Variants in AVEN observed in about 807,000 individuals in gnomAD.
AVEN encodes cell death regulator Aven.
Under a neutral mutation model 38.1 loss-of-function variants are expected in AVEN, and 41 were observed. The observed-to-expected ratio is 1.08, with a 90% CI of 0.84 to 1.40. The LOEUF is 1.40. Among genes scored for constraint, AVEN ranks in the 40% most tolerant of loss-of-function variants. The pLI is 0.00. For missense variants in AVEN, 605 were observed against 438.8 expected (o/e 1.38, Z -3.38); for synonymous variants, 206 against 171.8 (o/e 1.20, Z -1.56).
At chr15:33,910,087 C>T (rs1258205276) in intron 2 of AVEN, among the ~76,000 whole-genome samples, 2 of 150,982 alleles carry the variant, frequency 1.3e-5, no homozygotes, top group Non-Finnish European at 2.9e-5. Flanking sequence ...GAGATCGCAC[C>T]GCTGCACTCC....
At chr15:33,854,686 C>A (rs2079461354), downstream of AVEN, 3 of 1,523,006 alleles carry the variant, frequency 2.0e-6, no homozygotes, top group Non-Finnish European at 2.6e-6. Flanking sequence ...CAGTGTGTCT[C>A]CCAAAATAAG....
intron 3 of AVEN, among the ~76,000 whole-genome samples, chr15:33,871,341 T>C (rs1006484846): frequency 6.6e-5 from 10 of 151,732 alleles, no homozygotes; most frequent in Admixed American, 6.6e-4. Flanking sequence ...CCGAGGCGGG[T>C]GAATCACCTG....
rs76608637 is a variant in AVEN, at chr15:33,880,437, G to C, written c.446-4442C>G. 3.9e-5 allele frequency among the ~76,000 whole-genome samples: 6 copies of C among 152,286 alleles called. No individual in the cohort carries two copies. In the East Asian group the frequency reaches 1.2e-3, roughly 29 times the overall value. On this transcript the variant is annotated intron_variant, in intron 2 of 5. Transcript: ENST00000306730. ...TACAGCACTGGGAGGACAAAAACTAGAGTTCAGGGCCAATGGATGAGGAAG... is the reference window on the plus strand; with the variant it reads ...TACAGCACTGGGAGGACAAAAACTACAGTTCAGGGCCAATGGATGAGGAAG...
chr15:33,894,589 T>C (rs2153041400), intron 2 of AVEN, among the ~76,000 whole-genome samples: 1 of 145,304 alleles, frequency 6.9e-6, no homozygotes, highest in African/African-American at 2.6e-5. Context: ...GCAGGGGGAC[T>C]GCCTGAGCTC....
At chr15:33,967,469 A>G (rs536784270) in intron 2 of AVEN, among the ~76,000 whole-genome samples, 7 of 152,210 alleles carry the variant, frequency 4.6e-5, no homozygotes, top group South Asian at 4.1e-4. Context: ...AGGTGAAATG[A>G]GATTTGCTTT....
chr15:34,049,951 A>C (rs1424092179), intron 5 of AVEN, among the ~76,000 whole-genome samples: 1 of 150,658 alleles, frequency 6.6e-6, no homozygotes, highest in Admixed American at 6.6e-5. Context: ...GCAGTGGCAC[A>C]ATCTCAGCTC....
intron 2 of AVEN, among the ~76,000 whole-genome samples, chr15:33,911,039 C>G (rs377131321): frequency 2.6e-5 from 4 of 152,198 alleles, no homozygotes; most frequent in African/African-American, 9.7e-5. Flanking sequence ...ACAGTGAGGA[C>G]AGTTCTAAAA....
Position 34,011,347 on chromosome 15 carries a change from T to C in AVEN, c.268-8138A>G, listed in dbSNP as rs145251303. 2.7e-3 allele frequency among the ~76,000 whole-genome samples: 413 copies of C among 152,338 alleles called. 2 individuals are homozygous for C. The highest frequency in any genetic ancestry group is 9.6e-3 in the African/African-American group (401 of 41,574). Reference sequence around the variant, plus strand: ...AAAAAAGGGCGTTTCCATTTGTCTTTGTGTATTAAATAAAATATATGTTGT... The same window carrying C: ...AAAAAAGGGCGTTTCCATTTGTCTTCGTGTATTAAATAAAATATATGTTGT... On this transcript the variant is annotated intron_variant, in intron 1 of 5. Coordinates refer to ENST00000306730, the MANE Select transcript of AVEN (RefSeq NM_020371.3).
intron 3 of AVEN, among the ~76,000 whole-genome samples, chr15:33,873,500 A>T (rs1567388863): frequency 6.8e-6 from 1 of 147,978 alleles, no homozygotes; most frequent in South Asian, 2.1e-4. Flanking sequence ...TATAATATAT[A>T]ATATATATAT....
chr15:33,895,919 G>A (rs904552742), intron 2 of AVEN, among the ~76,000 whole-genome samples: 1 of 152,160 alleles, frequency 6.6e-6, no homozygotes, highest in South Asian at 2.1e-4. Context: ...CAGTCACAAA[G>A]TCTGCCCCCT....
chr15:34,063,972 A>C lies in AVEN; in HGVS notation n.1127-540T>G. ...CAAGGAACCTTCAACGAAAGGCCTCAATCCCAACCCCAGCCATCAAATGAC... is the reference window on the plus strand; with the variant it reads ...CAAGGAACCTTCAACGAAAGGCCTCCATCCCAACCCCAGCCATCAAATGAC... On this transcript the variant is annotated intron_variant and non_coding_transcript_variant, in intron 4 of 11. Transcript: ENST00000675287. This position sits in a 1 kb window ranked among gnomAD's most constrained non-coding sequence, Gnocchi z 4.1. 6.2e-7 allele frequency: 1 copy of C among 1,614,170 alleles called. No individual in the cohort carries two copies. Among genetic ancestry groups the C allele is most frequent in the Non-Finnish European group, 8.5e-7 (1 of 1,180,032 alleles).
intron 2 of AVEN, among the ~76,000 whole-genome samples, chr15:33,987,465 A>G (rs1272958094): frequency 6.6e-6 from 1 of 152,024 alleles, no homozygotes; most frequent in Non-Finnish European, 1.5e-5. Context: ...AAACCCACAG[A>G]CTCAAGGTCT....
intron 2 of AVEN, among the ~76,000 whole-genome samples, chr15:33,926,631 C>T (rs1893616437): frequency 6.6e-6 from 1 of 152,024 alleles, no homozygotes; most frequent in Admixed American, 6.6e-5. Context: ...GACAACATAA[C>T]CAGACCCTGT....
chr15:33,976,961 G>T (rs1444906713), intron 2 of AVEN, among the ~76,000 whole-genome samples: 1 of 152,094 alleles, frequency 6.6e-6, no homozygotes, highest in Non-Finnish European at 1.5e-5. Flanking sequence ...GGGTCCCTTG[G>T]GAAGGAAACC....
At chr15:33,966,717 G>C (rs1268981347) in intron 2 of AVEN, among the ~76,000 whole-genome samples, 1 of 152,100 alleles carries the variant, frequency 6.6e-6, no homozygotes. Flanking sequence ...GACAGGTGAG[G>C]GTGTGGCACA....
Position 33,906,146 on chromosome 15 carries a change from G to C in AVEN, c.446-30151C>G, listed in dbSNP as rs115045108. On this transcript the variant is annotated intron_variant, in intron 2 of 5. Coordinates refer to ENST00000306730, the MANE Select transcript of AVEN (RefSeq NM_020371.3). The stretch of plus-strand genomic sequence containing the variant: ...TACGTTTCTCCCAACTTACTGAACA[G>C]AGCTGGAGTGAATTGTGTGTGCTTG... Among the ~76,000 whole-genome samples, 1,115 of 152,312 alleles carry C rather than the reference G, an allele frequency of 7.3e-3. 19 individuals are homozygous for C. Among genetic ancestry groups the C allele is most frequent in the African/African-American group, 0.026 (1,077 of 41,560 alleles).
intron 2 of AVEN, among the ~76,000 whole-genome samples, chr15:34,069,054 A>T (rs1041110273): frequency 6.7e-6 from 1 of 150,122 alleles, no homozygotes; most frequent in Non-Finnish European, 1.5e-5. Context: ...CTCATGATCC[A>T]CCCGCCTCGG....
rs113752121 is a variant in AVEN at position 33,910,494 on chromosome 15, C to T, written c.446-34499G>A. The stretch of plus-strand genomic sequence containing the variant: ...AGAAATTGGGACGTGAAGATAGCTG[C>T]GCCAGTATCTGTCATGTAATTATCC... On this transcript the variant is annotated intron_variant, in intron 2 of 5. Transcript: ENST00000306730. Among the ~76,000 whole-genome samples the T allele has an allele frequency of 4.3e-3, 650 of 152,316 alleles. 6 individuals are homozygous for T. The highest frequency in any genetic ancestry group is 0.015 in the African/African-American group (626 of 41,562).
intron 2 of AVEN, among the ~76,000 whole-genome samples, chr15:33,967,496 G>A (rs567197151): frequency 2.0e-5 from 3 of 152,168 alleles, no homozygotes; most frequent in South Asian, 2.1e-4. Flanking sequence ...TTTTAGCAAA[G>A]AATTGAATCT....
Sources: allele counts gnomAD v4.1 joint callset (sites outside exome capture counted in the v4.1 genomes callset), GRCh38; gene constraint gnomAD v4.1.1; non-coding constraint Gnocchi (gnomAD v3.1); transcripts MANE v1.5; gene names NCBI Gene and HGNC (gene_info 2026-07-23, HGNC 2026-07-21).